RNF220: variants seen among roughly 807,000 people sequenced by gnomAD.
RNF220 encodes ring finger protein 220, also known as E3 ubiquitin-protein ligase RNF220.
RNF220 carries 7 observed loss-of-function variants against 67.1 expected under a neutral mutation model. The ratio of observed to expected loss-of-function variants is 0.10; its 90% CI spans 0.06 to 0.20. The LOEUF (loss-of-function observed/expected upper bound fraction) is 0.20, where lower values mean the gene tolerates loss of function less well. Ranked by LOEUF, RNF220 falls within the 10% of genes least tolerant of loss-of-function variation. The pLI is 1.00. For synonymous variants in RNF220, 270 were observed against 283.2 expected, an observed-to-expected ratio of 0.95 and a Z score of 0.47; for missense variants, 565 against 740.3, an observed-to-expected ratio of 0.76 and a Z score of 2.75.
Position 44,432,895 on chromosome 1 carries a change from C to CTTTTTTTTTTTTT in RNF220, c.625+20177_625+20178insTTTTTTTTTTTTT, listed in dbSNP as rs759672475. ...GGTATGTATGTAAGTTTCAAATTGGCTTTTCTTTTTTTTTTTTTGAGTCTT... is the reference window on the plus strand; with the variant it reads ...GGTATGTATGTAAGTTTCAAATTGGCTTTTTTTTTTTTTTTTTCTTTTTTTTTTTTTGAGTCTT... On this transcript the variant is annotated intron_variant, in intron 2 of 14. Coordinates refer to ENST00000361799, the MANE Select transcript of RNF220 (RefSeq NM_018150.4). 1.9e-5 allele frequency among the ~76,000 whole-genome samples: 2 copies of CTTTTTTTTTTTTT among 104,412 alleles called. 1 individual carries two copies. The highest frequency in any genetic ancestry group is 4.0e-5 in the Non-Finnish European group (2 of 50,100). 68.5% of individuals were successfully genotyped at this position (104,412 alleles called of 152,430 possible).
At chr1:44,587,298 C>T (rs1056548569) in intron 2 of RNF220, among the ~76,000 whole-genome samples, 1 of 152,076 alleles carries the variant, frequency 6.6e-6, no homozygotes, top group African/African-American at 2.4e-5. Flanking sequence ...CAGGCACCCG[C>T]CACCACGCCT....
intron 3 of RNF220, among the ~76,000 whole-genome samples, chr1:44,618,802 C>T (rs930368563): frequency 4.6e-5 from 7 of 151,970 alleles, no homozygotes; most frequent in East Asian, 1.9e-4. Flanking sequence ...TTGGTGAGGC[C>T]GACCCAGGAC....
Position 44,650,070 on chromosome 1 carries a change from C to T in RNF220, c.1629+113C>T, listed in dbSNP as rs887495656. The stretch of plus-strand genomic sequence containing the variant: ...GTGGGGAGCATGGCGCAAAGGAGAA[C>T]AGAGCCAGGAGCCAGGATATTTACC... On this transcript the variant is annotated intron_variant, in intron 14 of 14. Coordinates refer to ENST00000361799, the MANE Select transcript of RNF220 (RefSeq NM_018150.4). This position sits in a 1 kb window ranked among gnomAD's most constrained non-coding sequence, Gnocchi z 4.3. 1.1e-5 allele frequency: 13 copies of T among 1,134,194 alleles called. No individual in the cohort carries two copies. Among genetic ancestry groups the T allele is most frequent in the Admixed American group, 2.1e-5 (1 of 47,936 alleles). 70.3% of individuals were successfully genotyped at this position (1,134,194 alleles called of 1,614,324 possible).
Position 44,456,864 on chromosome 1 carries a change from A to G in RNF220, c.625+44142A>G, listed in dbSNP as rs533146703. 2.6e-5 allele frequency among the ~76,000 whole-genome samples: 4 copies of G among 152,132 alleles called. No homozygotes were observed. In the East Asian group the frequency reaches 5.8e-4, roughly 22 times the overall value. ...CTGTCTCTTCCATCTGGGGTAGGAC[A>G]TCCTGCAATCCCATCACACTGGACT... On this transcript the variant is annotated intron_variant, in intron 2 of 14. Transcript: ENST00000361799.
intron 2 of RNF220, among the ~76,000 whole-genome samples, chr1:44,560,864 A>G (rs1237948990): frequency 6.6e-6 from 1 of 151,828 alleles, no homozygotes; most frequent in East Asian, 1.9e-4. Context: ...CCCAGCCTTC[A>G]GCCAGTAGTT....
chr1:44,556,013 T>A (rs1663051252), intron 2 of RNF220, among the ~76,000 whole-genome samples: 1 of 150,074 alleles, frequency 6.7e-6, no homozygotes, highest in Admixed American at 6.6e-5. Context: ...CACATGTTTT[T>A]CTCCCCACCA....
intron 2 of RNF220, among the ~76,000 whole-genome samples, chr1:44,546,732 G>T (rs1359001768): frequency 6.6e-6 from 1 of 152,084 alleles, no homozygotes; most frequent in Non-Finnish European, 1.5e-5. Context: ...CCCCTCGCTG[G>T]CACCCCAAAG....
In RNF220 at chr1:44,627,035, C is replaced by CAAAAAA. The variant is rs59977929; in HGVS notation, c.906+661_906+666dup. 9.0e-5 allele frequency: 4 copies of CAAAAAA among 44,500 alleles called. 1 individual carries two copies. Among genetic ancestry groups the CAAAAAA allele is most frequent in the Middle Eastern group, 0.016 (1 of 64 alleles). 2.8% of individuals were successfully genotyped at this position (44,500 alleles called of 1,614,324 possible). The stretch of plus-strand genomic sequence containing the variant: ...CTGGCGACAGAGTGAGACTCCATCT[C>CAAAAAA]AAAAAAAAAAAAAAAAAAAAAAAAA... On this transcript the variant is annotated intron_variant, in intron 5 of 14. Coordinates refer to ENST00000361799, the MANE Select transcript of RNF220 (RefSeq NM_018150.4).
At chr1:44,623,102 C>A (rs1311369329) in intron 4 of RNF220, among the ~76,000 whole-genome samples, 10 of 151,914 alleles carry the variant, frequency 6.6e-5, no homozygotes, top group Non-Finnish European at 1.3e-4. Context: ...TGAGAAGACT[C>A]AAAGGAAGAA....
intron 1 of RNF220, among the ~76,000 whole-genome samples, chr1:44,410,007 T>C (rs1647808379): frequency 6.6e-6 from 1 of 152,118 alleles, no homozygotes; most frequent in African/African-American, 2.4e-5. Context: ...TGTAATGAAG[T>C]TTTCAAATGA....
chr1:44,512,692 G>A (rs976175500), intron 2 of RNF220, among the ~76,000 whole-genome samples: 3 of 152,226 alleles, frequency 2.0e-5, no homozygotes, highest in Non-Finnish European at 4.4e-5. Flanking sequence ...TGTTTAGCTT[G>A]GCTAAGTGAC....
chr1:44,609,776 G>A (rs994337173), intron 2 of RNF220, among the ~76,000 whole-genome samples: 9 of 152,206 alleles, frequency 5.9e-5, no homozygotes, highest in African/African-American at 2.2e-4. Context: ...CCTGTCCTTC[G>A]CAGCTTACCA....
At chr1:44,617,759 G>C (rs1194003218) in intron 3 of RNF220, among the ~76,000 whole-genome samples, 1 of 152,200 alleles carries the variant, frequency 6.6e-6, no homozygotes, top group African/African-American at 2.4e-5. Flanking sequence ...CCCGCAGGAG[G>C]GCAGAGCCTG....
intron 2 of RNF220, among the ~76,000 whole-genome samples, chr1:44,492,524 C>G (rs1656943358): frequency 6.6e-6 from 1 of 152,168 alleles, no homozygotes; most frequent in Non-Finnish European, 1.5e-5. Flanking sequence ...AAATAGCCAT[C>G]AGCTGATGAA....
At chr1:44,437,177 C>T (rs1044941369) in intron 2 of RNF220, among the ~76,000 whole-genome samples, 2 of 152,166 alleles carry the variant, frequency 1.3e-5, no homozygotes, top group Admixed American at 1.3e-4. Context: ...AGCAAACCAA[C>T]CAATGCGGTA....
At chr1:44,562,824 C>T (rs1251276651) in intron 2 of RNF220, among the ~76,000 whole-genome samples, 3 of 152,200 alleles carry the variant, frequency 2.0e-5, no homozygotes, top group East Asian at 1.9e-4. Flanking sequence ...TCTTTCTTCC[C>T]CTCCTCTCCC....
intron 2 of RNF220, among the ~76,000 whole-genome samples, chr1:44,597,661 A>G (rs1257522545): frequency 6.6e-6 from 1 of 151,776 alleles, no homozygotes; most frequent in African/African-American, 2.4e-5. Flanking sequence ...TTTCTCACGA[A>G]TGTCTCCCAG....
chr1:44,423,978 C>T (rs918422079), intron 2 of RNF220: 14 of 985,424 alleles, frequency 1.4e-5, no homozygotes, highest in South Asian at 1.4e-4. Flanking sequence ...CCACCATCCC[C>T]GCTGTGGTTT....
chr1:44,567,047 T>C (rs1363356448), intron 2 of RNF220, among the ~76,000 whole-genome samples: 3 of 152,110 alleles, frequency 2.0e-5, no homozygotes, highest in African/African-American at 4.8e-5. Context: ...CAGAGAAGAA[T>C]GGATGGAGAA....
Sources: gnomAD v4.1 joint callset for allele counts (sites outside exome capture counted in the v4.1 genomes callset) on GRCh38, gnomAD v4.1.1 for gene constraint, Gnocchi (gnomAD v3.1) non-coding constraint, MANE v1.5 for transcripts, NCBI Gene and HGNC (gene_info 2026-07-23, HGNC 2026-07-21) for gene names.